Variants in INSYN2B observed in about 807,000 individuals in gnomAD.
INSYN2B encodes the protein protein INSYN2B.
INSYN2B carries 16 observed loss-of-function variants against 41.2 expected under a neutral mutation model. The observed-to-expected ratio is 0.39, with a 90% CI of 0.26 to 0.59. INSYN2B has a LOEUF of 0.59. Ranked by LOEUF, INSYN2B falls within the 20% of genes least tolerant of loss-of-function variation. INSYN2B has a pLI of 0.57. For synonymous variants in INSYN2B, 245 were observed against 244.4 expected (o/e 1.00, Z -0.02); for missense variants, 608 against 646.4 (o/e 0.94, Z 0.64).
chr5:169,966,157 T>C (rs1425276598), intron 1 of INSYN2B, among the ~76,000 whole-genome samples: 1 of 152,246 alleles, frequency 6.6e-6, no homozygotes, highest in Non-Finnish European at 1.5e-5. Flanking sequence ...AATCCCATTA[T>C]GGTAGGAGCA....
At chr5:169,928,227 G>A (rs1165442360) in intron 1 of INSYN2B, among the ~76,000 whole-genome samples, 3 of 152,178 alleles carry the variant, frequency 2.0e-5, no homozygotes, top group Non-Finnish European at 4.4e-5. Context: ...GCACCAGCAG[G>A]AGGGGTCTAC....
intron 1 of INSYN2B, among the ~76,000 whole-genome samples, chr5:169,942,080 T>C (rs2113707279): frequency 6.6e-6 from 1 of 152,218 alleles, no homozygotes; most frequent in East Asian, 1.9e-4. Flanking sequence ...TGTGGGCCTG[T>C]CTCTAATTTC....
intron 1 of INSYN2B, among the ~76,000 whole-genome samples, chr5:169,892,530 C>A (rs1226820194): frequency 6.6e-6 from 1 of 152,216 alleles, no homozygotes; most frequent in Admixed American, 6.5e-5. Flanking sequence ...CATTTGGAAA[C>A]AGACCTAGTG....
Position 169,864,171 on chromosome 5 carries a change from C to G in INSYN2B, c.*102G>C, listed in dbSNP as rs923344913. Reference sequence around the variant, plus strand: ...TTTCACAGGCCAAGGGGCTCACAGCCCAGGGCCTTTGCAAAGAAGCAGGGC... The same window carrying G: ...TTTCACAGGCCAAGGGGCTCACAGCGCAGGGCCTTTGCAAAGAAGCAGGGC... On this transcript the variant is annotated 3_prime_UTR_variant, in exon 4 of 4. Transcript: ENST00000377365. 1 of 1,079,348 alleles carries G rather than the reference C, an allele frequency of 9.3e-7. No homozygotes were observed. Among genetic ancestry groups the G allele is most frequent in the Non-Finnish European group, 1.4e-6 (1 of 730,888 alleles). The allele number at this position is 1,079,348 out of a possible 1,614,324, so 66.9% of individuals were successfully genotyped here. A position where few individuals can be genotyped will look rare whatever the true frequency, so the allele number is the denominator to read the frequency against.
chr5:169,911,683 T>C (rs1001720282), intron 1 of INSYN2B, among the ~76,000 whole-genome samples: 7 of 152,242 alleles, frequency 4.6e-5, no homozygotes, highest in African/African-American at 1.7e-4. Context: ...TAAAGTTTCC[T>C]ATAATTAGCC....
chr5:169,971,308 G>T (rs1396965067), intron 1 of INSYN2B, among the ~76,000 whole-genome samples: 1 of 152,174 alleles, frequency 6.6e-6, no homozygotes, highest in Non-Finnish European at 1.5e-5. Flanking sequence ...GGGAGCTGGG[G>T]CCTGACAGGA....
chr5:169,920,133 G>A (rs192816316), intron 1 of INSYN2B, among the ~76,000 whole-genome samples: 65 of 152,196 alleles, frequency 4.3e-4, no homozygotes, highest in Admixed American at 6.5e-5. Flanking sequence ...GAGATTTAGC[G>A]TCTCAGGGAG....
intron 1 of INSYN2B, among the ~76,000 whole-genome samples, chr5:169,961,068 G>A (rs555076244): frequency 7.2e-5 from 11 of 152,340 alleles, no homozygotes; most frequent in Middle Eastern, 6.8e-3. Flanking sequence ...TATATTGCAT[G>A]AGTGAGTGAT....
At chr5:169,959,636 A>G (rs11134598) in intron 1 of INSYN2B, among the ~76,000 whole-genome samples, 115,061 of 152,044 alleles carry the variant, frequency 0.76, 44,588 homozygotes, top group African/African-American at 0.94. Flanking sequence ...TCATGCATAA[A>G]GGTAAGTGTT....
intron 1 of INSYN2B, among the ~76,000 whole-genome samples, chr5:169,941,887 G>A (rs182750840): frequency 1.3e-5 from 2 of 152,292 alleles, no homozygotes; most frequent in East Asian, 3.9e-4. Context: ...GGGTCACGCT[G>A]CATCAGGAAC....
Position 169,861,552 on chromosome 5 carries a change from T to C in INSYN2B, c.*2721A>G, listed in dbSNP as rs769607744. On this transcript the variant is annotated 3_prime_UTR_variant, in exon 4 of 4. Coordinates refer to ENST00000377365, the MANE Select transcript of INSYN2B (RefSeq NM_001129891.3). ...TTTCCTTTCAATTTTATAAAAGTAA[T>C]TTTTGCTAAGTTAATATCTCTCCAG... 5.9e-5 allele frequency among the ~76,000 whole-genome samples: 9 copies of C among 152,224 alleles called. No homozygotes were observed.
At chr5:169,974,205 T>A (rs2113770453) in intron 1 of INSYN2B, among the ~76,000 whole-genome samples, 1 of 152,330 alleles carries the variant, frequency 6.6e-6, no homozygotes, top group South Asian at 2.1e-4. Context: ...CAAGTAAAAA[T>A]GGTATTACCA....
chr5:169,926,499 A>C (rs1178277009), intron 1 of INSYN2B, among the ~76,000 whole-genome samples: 1 of 152,208 alleles, frequency 6.6e-6, no homozygotes, highest in Non-Finnish European at 1.5e-5. Flanking sequence ...TGTTCAAAGA[A>C]AGCTTTGTGA....
At chr5:169,956,600 T>C (rs1045443029) in intron 1 of INSYN2B, among the ~76,000 whole-genome samples, 1 of 152,228 alleles carries the variant, frequency 6.6e-6, no homozygotes, top group Non-Finnish European at 1.5e-5. Context: ...ATATTTTGCA[T>C]TCCTGAAAAG....
At position 169,864,367 on chromosome 5, in the gene INSYN2B, G is replaced by A. The variant is rs1229760920; in HGVS notation, c.1514C>T (p.Pro505Leu). 1 of 1,551,304 alleles carries A rather than the reference G, an allele frequency of 6.4e-7. No homozygotes were observed. The highest frequency in any genetic ancestry group is 8.7e-7 in the Non-Finnish European group (1 of 1,146,800). The stretch of plus-strand genomic sequence containing the variant: ...TGGGGGTTCTGCTGGGGACTTTGGT[G>A]GGGGCGATGCCTCCTCAACTGGCTC... ...EAEPVEEASP[P>L]PKSPAEPPAP... Residue 505 changes from proline to leucine, a missense_variant, in exon 4 of 4, where the codon CCA (proline) becomes CTA (leucine). Physicochemically the swap from Pro to Leu is moderately conservative, Grantham distance 98. Coordinates refer to ENST00000377365, the MANE Select transcript of INSYN2B (RefSeq NM_001129891.3).
chr5:169,932,778 T>C (rs892264555), intron 1 of INSYN2B, among the ~76,000 whole-genome samples: 2 of 152,120 alleles, frequency 1.3e-5, no homozygotes, highest in Non-Finnish European at 2.9e-5. Context: ...ATACAAACAC[T>C]CACCTATGCA....
At chr5:169,963,733 C>G (rs78607863) in intron 1 of INSYN2B, among the ~76,000 whole-genome samples, 1 of 152,130 alleles carries the variant, frequency 6.6e-6, no homozygotes, top group Non-Finnish European at 1.5e-5. Context: ...CTACCAGCAG[C>G]ATTTTTCCCT....
At position 169,912,621 on chromosome 5, in the gene INSYN2B, A is replaced by G. The variant is rs867148274; in HGVS notation, c.-918-27805T>C. ...TGTGCCACTGTGTGTGGTGGAGTGT[A>G]TGTGTGTGTGTGTGTGTGTGAGATG... On this transcript the variant is annotated intron_variant, in intron 1 of 3. Transcript: ENST00000377365. Among the ~76,000 whole-genome samples the G allele has an allele frequency of 7.7e-3, 1,161 of 150,530 alleles. 6 individuals are homozygous for G. The highest frequency in any genetic ancestry group is 0.014 in the Middle Eastern group (4 of 292).
rs1771271311 is a variant in INSYN2B, at chr5:169,862,555, A to G, written c.*1718T>C. ...GCCAGTGGTAGCATATCTTATTGAA[A>G]TGTGGCTTCTTAAGTATGACAAGTG... is the stretch of plus-strand genomic sequence containing the variant. On this transcript the variant is annotated 3_prime_UTR_variant, in exon 4 of 4. Transcript: ENST00000377365. Among the ~76,000 whole-genome samples the G allele has an allele frequency of 6.6e-6, 1 of 152,250 alleles. No individual in the cohort carries two copies. Among genetic ancestry groups the G allele is most frequent in the Admixed American group, 6.5e-5 (1 of 15,286 alleles).
Sources: allele counts gnomAD v4.1 joint callset (sites outside exome capture counted in the v4.1 genomes callset), GRCh38; gene constraint gnomAD v4.1.1; transcripts MANE v1.5; gene names NCBI Gene and HGNC (gene_info 2026-07-23, HGNC 2026-07-21).